AFG1L: variants seen among roughly 807,000 people sequenced by gnomAD.
AFG1L encodes the protein AFG1-like ATPase.
Under a neutral mutation model 62.2 loss-of-function variants are expected in AFG1L, and 53 were observed. The observed-to-expected ratio is 0.85, with a 90% CI of 0.68 to 1.07. The LOEUF (loss-of-function observed/expected upper bound fraction) is 1.07, where lower values mean the gene tolerates loss of function less well. Ranked by LOEUF, AFG1L falls within the 50% of genes least tolerant of loss-of-function variation. AFG1L has a pLI of 0.00. For synonymous variants in AFG1L, 228 were observed against 210.3 expected, an observed-to-expected ratio of 1.08 and a Z score of -0.73; for missense variants, 555 against 590.5, an observed-to-expected ratio of 0.94 and a Z score of 0.62.
chr6:108,409,918 CAGA>C (rs1202838567), intron 7 of AFG1L, among the ~76,000 whole-genome samples: 4 of 152,036 alleles, frequency 2.6e-5, no homozygotes, highest in Admixed American at 6.6e-5. Context: ...AAAGATAAAT[CAGA>C]AGAAAACTTT....
At chr6:108,340,223 A>G (rs1037953122) in intron 2 of AFG1L, among the ~76,000 whole-genome samples, 5 of 152,212 alleles carry the variant, frequency 3.3e-5, no homozygotes, top group Admixed American at 2.6e-4. Flanking sequence ...TGTTGCAAAT[A>G]ACAATATCTC....
At chr6:108,455,829 A>G (rs1772233627) in intron 8 of AFG1L, among the ~76,000 whole-genome samples, 1 of 152,094 alleles carries the variant, frequency 6.6e-6, no homozygotes, top group South Asian at 2.1e-4. Context: ...ATCCTTTTGA[A>G]TTTATTGAGG....
chr6:108,469,431 A>G (rs1328356751), intron 8 of AFG1L, among the ~76,000 whole-genome samples: 1 of 151,902 alleles, frequency 6.6e-6, no homozygotes, highest in Non-Finnish European at 1.5e-5. Context: ...CTTTTTCTTC[A>G]TTGTTAAATC....
At chr6:108,451,196 C>T (rs188728617) in intron 8 of AFG1L, among the ~76,000 whole-genome samples, 1 of 152,230 alleles carries the variant, frequency 6.6e-6, no homozygotes, top group East Asian at 1.9e-4. Flanking sequence ...GAACACCAAG[C>T]GCTATCTCAG....
At position 108,429,853 on chromosome 6, in the gene AFG1L, G is replaced by GT. The variant is rs895076052; in HGVS notation, c.808-17353dup. Among the ~76,000 whole-genome samples the GT allele has an allele frequency of 1.3e-4, 20 of 151,752 alleles. No individual in the cohort carries two copies. In the South Asian group the frequency reaches 1.5e-3, roughly 11 times the overall value. On this transcript the variant is annotated intron_variant, in intron 7 of 12. Coordinates refer to ENST00000368977, the MANE Select transcript of AFG1L (RefSeq NM_145315.5). ...AAGCAATTCCTTTCAAAATACTGTA[G>GT]TTTTTTTTGAGCAGTATGGTCATTT...
chr6:108,492,974 T>A (rs1466557936), intron 10 of AFG1L, among the ~76,000 whole-genome samples: 3 of 152,010 alleles, frequency 2.0e-5, no homozygotes, highest in Non-Finnish European at 4.4e-5. Context: ...AGACATACAT[T>A]TGTAACGGCA....
chr6:108,413,103 CAG>C (rs1488222255), intron 7 of AFG1L, among the ~76,000 whole-genome samples: 4 of 152,018 alleles, frequency 2.6e-5, no homozygotes. Context: ...AAAAAAAAAG[CAG>C]GGGTTGCAAT....
intron 8 of AFG1L, among the ~76,000 whole-genome samples, chr6:108,457,892 T>C (rs1350257368): frequency 1.3e-5 from 2 of 151,962 alleles, no homozygotes; most frequent in Non-Finnish European, 2.9e-5. Flanking sequence ...CCTTTCTTCC[T>C]TCCCCCTTTT....
rs1338916467 is a variant in AFG1L at position 108,347,011 on chromosome 6, A to T, written c.387A>T (p.Pro129=). 6.2e-7 allele frequency: 1 copy of T among 1,613,622 alleles called. No individual in the cohort carries two copies. The change falls in exon 3 of 13, where the codon CCA becomes CCT. Residue 129 remains proline (P), a synonymous_variant. Transcript: ENST00000368977. ...AGCTTTTTTCAAGGAGCAAACCTCC[A>T]AGGGGCCTGTATGTTTATGGAGATG... The part of the protein sequence containing the change: ...FSKLFSRSKP[P]RGLYVYGDVG...
At chr6:108,518,859 T>G (rs1481241136) in intron 11 of AFG1L, among the ~76,000 whole-genome samples, 1 of 152,234 alleles carries the variant, frequency 6.6e-6, no homozygotes, top group Non-Finnish European at 1.5e-5. Context: ...CTAATTAGAA[T>G]AGCAATGCAC....
chr6:108,407,755 G>T (rs940617011), intron 7 of AFG1L, among the ~76,000 whole-genome samples: 6 of 150,794 alleles, frequency 4.0e-5, no homozygotes, highest in Admixed American at 2.0e-4. Context: ...TTCAGGTCTT[G>T]AACAGGTCTA....
intron 7 of AFG1L, among the ~76,000 whole-genome samples, chr6:108,446,087 CA>C (rs1192501575): frequency 2.0e-5 from 3 of 150,242 alleles, no homozygotes; most frequent in Admixed American, 6.6e-5. Context: ...CACACACACA[CA>C]CACACACACA....
intron 10 of AFG1L, among the ~76,000 whole-genome samples, chr6:108,503,126 G>A (rs1455753316): frequency 1.3e-5 from 2 of 152,118 alleles, no homozygotes; most frequent in Non-Finnish European, 2.9e-5. Flanking sequence ...AGTCATCCAT[G>A]AGGGTTGGAA....
chr6:108,477,382 T>C (rs1773153700), intron 10 of AFG1L, 90 bp downstream of exon 10: 1 of 667,026 alleles, frequency 1.5e-6, no homozygotes, highest in Non-Finnish European at 2.5e-6. Context: ...GATTTTAAAA[T>C]ACCATTCACA....
intron 10 of AFG1L, among the ~76,000 whole-genome samples, chr6:108,496,357 C>A (rs1450882755): frequency 6.6e-6 from 1 of 152,066 alleles, no homozygotes; most frequent in Non-Finnish European, 1.5e-5. Context: ...GTGATAGTGT[C>A]TTTATTTATT....
intron 2 of AFG1L, among the ~76,000 whole-genome samples, chr6:108,327,837 A>T (rs957862690): frequency 6.6e-6 from 1 of 152,208 alleles, no homozygotes; most frequent in African/African-American, 2.4e-5. Context: ...CTCATAGGCC[A>T]ACCAATGACT....
intron 7 of AFG1L, among the ~76,000 whole-genome samples, chr6:108,411,373 A>C (rs1180340114): frequency 6.6e-6 from 1 of 151,740 alleles, no homozygotes; most frequent in Non-Finnish European, 1.5e-5. Flanking sequence ...AAACTTCTGT[A>C]TATTTAAAAG....
intron 12 of AFG1L, chr6:108,520,583 C>G (rs1562210689): frequency 6.6e-6 from 1 of 152,238 alleles, no homozygotes; most frequent in Admixed American, 6.5e-5. Context: ...TCCAGCCCCA[C>G]AGGTGAAAGA....
At chr6:108,472,541 A>G (rs958567038) in intron 8 of AFG1L, among the ~76,000 whole-genome samples, 1 of 152,054 alleles carries the variant, frequency 6.6e-6, no homozygotes, top group Admixed American at 6.5e-5. Context: ...ACGAATGTCC[A>G]TTTGCTTAGG....
Sources: allele counts gnomAD v4.1 joint callset (sites outside exome capture counted in the v4.1 genomes callset), GRCh38; gene constraint gnomAD v4.1.1; transcripts MANE v1.5; gene names NCBI Gene and HGNC (gene_info 2026-07-23, HGNC 2026-07-21).